Variants in SLC24A3 observed in about 807,000 individuals in gnomAD.
SLC24A3 encodes sodium/potassium/calcium exchanger 3.
In SLC24A3, 28 loss-of-function variants were observed where a neutral mutation model predicts 75.8. That is an observed-to-expected ratio of 0.37 (90% CI 0.27 to 0.51). SLC24A3 has a LOEUF of 0.51. Ranked by LOEUF, SLC24A3 falls within the 20% of genes least tolerant of loss-of-function variation. The pLI is 0.94. For synonymous variants in SLC24A3, 372 were observed against 334.1 expected, an observed-to-expected ratio of 1.11 and a Z score of -1.24; for missense variants, 663 against 847.8, an observed-to-expected ratio of 0.78 and a Z score of 2.71.
In SLC24A3 at chr20:19,232,905, A is replaced by T. The variant is rs183708949; in HGVS notation, c.142+19921A>T. Among the ~76,000 whole-genome samples the T allele has an allele frequency of 7.2e-5, 11 of 152,338 alleles. No homozygotes were observed. The East Asian group carries it at 1.9e-3, about 27-fold the overall frequency. On this transcript the variant is annotated intron_variant, in intron 1 of 16. Transcript: ENST00000328041. The stretch of plus-strand genomic sequence containing the variant: ...TGACAAGTGTAGGCAAAAGCGTAGT[A>T]TGAACGGGACAATGATGGCAAAGGA...
rs777223062 is a variant in SLC24A3 at position 19,685,352 on chromosome 20, G to A, written c.1315G>A (p.Asp439Asn). 66 of 1,613,722 alleles carry A rather than the reference G, an allele frequency of 4.1e-5. No individual in the cohort carries two copies. The highest frequency in any genetic ancestry group is 3.8e-4 in the South Asian group (35 of 90,984). ...DDDEGPYTPF[D>N]TPSGKLETVK... ...TGATGAAGGACCGTACACACCATTC[G>A]ACACCCCCTGTAAGAGGTTCTATGT... The change falls in exon 12 of 17, where the codon GAC becomes AAC. Residue 439 changes from aspartate to asparagine, a missense_variant. Coordinates refer to ENST00000328041, the MANE Select transcript of SLC24A3 (RefSeq NM_020689.4).
At chr20:19,567,096 T>TTTTCACAG (rs2030970449) in intron 3 of SLC24A3, among the ~76,000 whole-genome samples, 1 of 152,230 alleles carries the variant, frequency 6.6e-6, no homozygotes, top group Admixed American at 6.5e-5. Flanking sequence ...GGAAAGCCAT[T>TTTTCACAG]TGGAGGTTTG....
At chr20:19,627,342 C>G (rs904334119) in intron 6 of SLC24A3, among the ~76,000 whole-genome samples, 11 of 152,194 alleles carry the variant, frequency 7.2e-5, no homozygotes, top group Non-Finnish European at 4.4e-5. Flanking sequence ...TCTTCATTTT[C>G]TTGACTCTCC....
chr20:19,684,306 C>T lies in SLC24A3; in HGVS notation c.1032C>T (p.Leu344=). The part of the protein sequence containing the change: ...ITSHFPPKTR[L]SMASRMLINE... The stretch of plus-strand genomic sequence containing the variant: ...GCCACTTTCCCCCCAAGACCCGGCT[C>T]TCCATGGCCAGTCGCATGTTGATCA... Residue 344 remains leucine (L), a synonymous_variant, in exon 11 of 17, where the codon CTC becomes CTT. Coordinates refer to ENST00000328041, the MANE Select transcript of SLC24A3 (RefSeq NM_020689.4). 3 of 1,614,088 alleles carry T rather than the reference C, an allele frequency of 1.9e-6. No homozygotes were observed. The highest frequency in any genetic ancestry group is 2.5e-6 in the Non-Finnish European group (3 of 1,180,002).
chr20:19,639,586 G>A (rs1347246623), intron 6 of SLC24A3, among the ~76,000 whole-genome samples: 1 of 152,244 alleles, frequency 6.6e-6, no homozygotes, highest in East Asian at 1.9e-4. Context: ...CCCGCACTGG[G>A]GCTGCAGGTG....
At chr20:19,441,255 T>C (rs1384920698) in intron 2 of SLC24A3, among the ~76,000 whole-genome samples, 1 of 152,168 alleles carries the variant, frequency 6.6e-6, no homozygotes, top group African/African-American at 2.4e-5. Flanking sequence ...CTCATCTTCT[T>C]GGACCCCGGC....
chr20:19,326,095 C>T (rs1259209039), intron 2 of SLC24A3, among the ~76,000 whole-genome samples: 1 of 151,902 alleles, frequency 6.6e-6, no homozygotes, highest in African/African-American at 2.4e-5. Context: ...GATGTTGAAC[C>T]TGTATTTCTC....
intron 3 of SLC24A3, among the ~76,000 whole-genome samples, chr20:19,524,265 T>C (rs913499802): frequency 9.2e-5 from 14 of 152,174 alleles, no homozygotes; most frequent in African/African-American, 3.4e-4. Context: ...ACAGCCTCCA[T>C]AGATGTCACC....
At chr20:19,673,785 C>A in intron 9 of SLC24A3, 131 bp downstream of exon 9, 1 of 713,540 alleles carries the variant, frequency 1.4e-6, no homozygotes. Flanking sequence ...ACTTGGCTCC[C>A]TGCCAGACTG....
At chr20:19,247,279 C>A (rs1982521720) in intron 1 of SLC24A3, among the ~76,000 whole-genome samples, 1 of 152,170 alleles carries the variant, frequency 6.6e-6, no homozygotes, top group Non-Finnish European at 1.5e-5. Flanking sequence ...AGAAAGAATT[C>A]TGTGTGCAAA....
intron 3 of SLC24A3, among the ~76,000 whole-genome samples, chr20:19,554,126 T>A (rs1046672879): frequency 6.6e-6 from 1 of 152,148 alleles, no homozygotes; most frequent in Non-Finnish European, 1.5e-5. Context: ...CTCAGGCACA[T>A]GTGAAAGTGC....
chr20:19,286,080 A>G (rs1450919861), intron 2 of SLC24A3, among the ~76,000 whole-genome samples: 1 of 152,178 alleles, frequency 6.6e-6, no homozygotes, highest in African/African-American at 2.4e-5. Flanking sequence ...ATTTCCCTTG[A>G]TAAAGGATCA....
intron 2 of SLC24A3, among the ~76,000 whole-genome samples, chr20:19,404,900 T>TA (rs1038516029): frequency 3.9e-5 from 6 of 152,184 alleles, no homozygotes; most frequent in Admixed American, 3.9e-4. Flanking sequence ...TCAAGCCTAT[T>TA]AGGGTTGAAA....
intron 3 of SLC24A3, among the ~76,000 whole-genome samples, chr20:19,543,972 CCAAA>C (rs1396399084): frequency 3.3e-5 from 5 of 152,108 alleles, no homozygotes; most frequent in African/African-American, 1.2e-4. Flanking sequence ...TGCCTTTATC[CCAAA>C]CAGTTTTGGA....
chr20:19,477,109 G>A (rs1987974079), intron 2 of SLC24A3, among the ~76,000 whole-genome samples: 1 of 151,982 alleles, frequency 6.6e-6, no homozygotes, highest in East Asian at 1.9e-4. Context: ...CTATTAACCA[G>A]GCAGACGCAA....
chr20:19,555,483 T>C (rs1555852), intron 3 of SLC24A3, among the ~76,000 whole-genome samples: 134,174 of 152,212 alleles, frequency 0.88, 59,326 homozygotes, highest in Middle Eastern at 0.95. Context: ...AATAGATGCA[T>C]GGCTATCCTA....
At chr20:19,399,721 G>C (rs1600464840) in intron 2 of SLC24A3, among the ~76,000 whole-genome samples, 1 of 152,266 alleles carries the variant, frequency 6.6e-6, no homozygotes, top group Middle Eastern at 3.4e-3. Flanking sequence ...CATGCTTTCT[G>C]CTGTTGTTGG....
At chr20:19,312,079 G>A (rs1042365691) in intron 2 of SLC24A3, among the ~76,000 whole-genome samples, 11 of 152,188 alleles carry the variant, frequency 7.2e-5, no homozygotes, top group African/African-American at 2.7e-4. Context: ...TGCCCGGATG[G>A]AAAATTGCCA....
chr20:19,228,869 C>T (rs182338340), intron 1 of SLC24A3, among the ~76,000 whole-genome samples: 2 of 152,232 alleles, frequency 1.3e-5, no homozygotes, highest in African/African-American at 4.8e-5. Flanking sequence ...AAGAAATAGA[C>T]ATATAGCTCC....
Sources: gnomAD v4.1 joint callset for allele counts (sites outside exome capture counted in the v4.1 genomes callset) on GRCh38, gnomAD v4.1.1 for gene constraint, MANE v1.5 for transcripts, NCBI Gene and HGNC (gene_info 2026-07-23, HGNC 2026-07-21) for gene names.